EYA3: variants seen among roughly 807,000 people sequenced by gnomAD.
EYA3 encodes the protein EYA transcriptional coactivator and phosphatase 3.
EYA3 carries 39 observed loss-of-function variants against 80.0 expected under a neutral mutation model. That is an observed-to-expected ratio of 0.49 (90% CI 0.38 to 0.64). The LOEUF (loss-of-function observed/expected upper bound fraction) is 0.64, where lower values mean the gene tolerates loss of function less well. EYA3 is among the 30% of genes least tolerant of loss of function. The pLI, the probability that EYA3 is intolerant of heterozygous loss-of-function variation, is 0.00. For synonymous variants in EYA3, 206 were observed against 232.8 expected (o/e 0.88, Z 1.05); for missense variants, 523 against 676.1 (o/e 0.77, Z 2.51).
chr1:28,017,276 T>C (rs772670502), intron 7 of EYA3, 37 bp from the exon 8 acceptor site: 56 of 1,485,592 alleles, frequency 3.8e-5, no homozygotes, highest in Non-Finnish European at 5.2e-5. Context: ...ATTAAAGATA[T>C]TATGTAAAAG....
At chr1:28,061,760 C>T (rs1014701313) in intron 1 of EYA3, among the ~76,000 whole-genome samples, 4 of 152,178 alleles carry the variant, frequency 2.6e-5, no homozygotes, top group Admixed American at 1.3e-4. Flanking sequence ...CCACCACGCC[C>T]GGCTAATTTT....
At chr1:27,975,824 T>C (rs911335929) in intron 17 of EYA3, among the ~76,000 whole-genome samples, 7 of 151,970 alleles carry the variant, frequency 4.6e-5, no homozygotes, top group African/African-American at 1.7e-4. Flanking sequence ...TTATATTTTT[T>C]GAGACAGAGT....
At chr1:28,069,309 A>T (rs1644939067) in intron 1 of EYA3, among the ~76,000 whole-genome samples, 1 of 151,874 alleles carries the variant, frequency 6.6e-6, no homozygotes, top group Non-Finnish European at 1.5e-5. Flanking sequence ...CAGTCTCACC[A>T]TGTTGCCCAG....
intron 7 of EYA3, among the ~76,000 whole-genome samples, chr1:28,020,896 T>C (rs1183562031): frequency 1.3e-5 from 2 of 152,162 alleles, no homozygotes; most frequent in Non-Finnish European, 1.5e-5. Context: ...TGGACAGCCT[T>C]CACTCCTGTT....
intron 16 of EYA3, among the ~76,000 whole-genome samples, chr1:27,984,722 C>T (rs1181343194): frequency 1.3e-5 from 2 of 152,098 alleles, no homozygotes; most frequent in Non-Finnish European, 2.9e-5. Context: ...TCTAGTGGAT[C>T]GTTTCCATCT....
At chr1:28,038,340 G>A (rs1006058719) in intron 5 of EYA3, among the ~76,000 whole-genome samples, 3 of 151,066 alleles carry the variant, frequency 2.0e-5, no homozygotes, top group Non-Finnish European at 4.4e-5. Flanking sequence ...GGAGGCTGAG[G>A]CAGGAGAATC....
chr1:28,055,585 C>T (rs891307058), intron 2 of EYA3, among the ~76,000 whole-genome samples: 2 of 151,636 alleles, frequency 1.3e-5, no homozygotes, highest in African/African-American at 4.9e-5. Flanking sequence ...ATTCTCCTGC[C>T]TCAGCTTCCC....
In EYA3 at chr1:27,986,758, A is replaced by G. The variant is rs148553452; in HGVS notation, c.1540+1777T>C. On this transcript the variant is annotated intron_variant, in intron 16 of 17. Coordinates refer to ENST00000373871, the MANE Select transcript of EYA3 (RefSeq NM_001990.4). The stretch of plus-strand genomic sequence containing the variant: ...CACTCTGTCACCCAGGCTGGAGTGC[A>G]GTGGTGCAATCTCGGCTCACTGCAA... 5.5e-3 allele frequency among the ~76,000 whole-genome samples: 840 copies of G among 151,994 alleles called. 11 individuals are homozygous for G. The highest frequency in any genetic ancestry group is 7.6e-3 in the Non-Finnish European group (518 of 67,984).
intron 1 of EYA3, among the ~76,000 whole-genome samples, chr1:28,082,378 G>A (rs1645460471): frequency 6.6e-6 from 1 of 151,868 alleles, no homozygotes; most frequent in Non-Finnish European, 1.5e-5. Flanking sequence ...TTTTATTTGG[G>A]CTTAATAAAG....
chr1:27,982,139 C>T (rs1228156894), intron 16 of EYA3, among the ~76,000 whole-genome samples: 1 of 151,702 alleles, frequency 6.6e-6, no homozygotes, highest in Non-Finnish European at 1.5e-5. Flanking sequence ...CCTAAGTAGC[C>T]AGGACTACAG....
intron 17 of EYA3, among the ~76,000 whole-genome samples, chr1:27,976,390 G>A (rs527558438): frequency 6.6e-5 from 10 of 152,210 alleles, no homozygotes; most frequent in African/African-American, 1.4e-4. Flanking sequence ...AACCCAGGAG[G>A]CGGAGGCTGC....
At chr1:28,068,073 T>C (rs974834390) in intron 1 of EYA3, among the ~76,000 whole-genome samples, 7 of 152,084 alleles carry the variant, frequency 4.6e-5, no homozygotes, top group Non-Finnish European at 1.0e-4. Flanking sequence ...CATTCCTTTA[T>C]GCCTGTAATC....
intron 17 of EYA3, chr1:27,977,352 T>C: frequency 1.3e-6 from 2 of 1,550,552 alleles, no homozygotes; most frequent in Admixed American, 2.0e-5. Context: ...TGGTTCTAGC[T>C]GGCAACCCAA....
rs369688098 is a variant in EYA3, at chr1:28,027,899, T to G, written c.389A>C (p.Glu130Ala). ...AGATGGAGTCTGAATTAAACCACTTTCAGGTTTCATACCTGGCCACAATGC... is the reference window on the plus strand; with the variant it reads ...AGATGGAGTCTGAATTAAACCACTTGCAGGTTTCATACCTGGCCACAATGC... The part of the protein sequence containing the change: ...FGALWPGMKP[E>A]SGLIQTPSPS... The change falls in exon 7 of 18, where the codon GAA becomes GCA. Residue 130 changes from glutamate to alanine, a missense_variant. This residue lies in a region of EYA3 where 304 missense variants were observed against 343.3 expected (regional missense o/e 0.89). Transcript: ENST00000373871. The G allele has an allele frequency of 6.2e-7, 1 of 1,614,004 alleles. No homozygotes were observed. Among genetic ancestry groups the G allele is most frequent in the African/African-American group, 1.3e-5 (1 of 74,904 alleles).
chr1:27,976,122 C>T (rs1638917703), intron 17 of EYA3, among the ~76,000 whole-genome samples: 1 of 152,138 alleles, frequency 6.6e-6, no homozygotes, highest in South Asian at 2.1e-4. Flanking sequence ...ATTTAAAAGG[C>T]TATTAACATA....
intron 8 of EYA3, among the ~76,000 whole-genome samples, chr1:28,014,832 T>C (rs12568186): frequency 0.068 from 10,352 of 152,242 alleles, 621 homozygotes; most frequent in East Asian, 0.25. Flanking sequence ...CTGTGTAGTT[T>C]ACTGTATGTC....
At chr1:28,068,581 A>G (rs1423825748) in intron 1 of EYA3, among the ~76,000 whole-genome samples, 2 of 151,658 alleles carry the variant, frequency 1.3e-5, no homozygotes, top group African/African-American at 2.4e-5. Flanking sequence ...AGGAATAAAG[A>G]GCTTAGTTGA....
intron 1 of EYA3, among the ~76,000 whole-genome samples, chr1:28,063,971 A>AT (rs892478754): frequency 5.7e-4 from 83 of 146,184 alleles, no homozygotes; most frequent in Non-Finnish European, 5.0e-4. Flanking sequence ...ATTTTAGACA[A>AT]TTTTTTTTTT....
intron 1 of EYA3, among the ~76,000 whole-genome samples, chr1:28,077,852 C>T (rs1645278372): frequency 6.6e-6 from 1 of 152,146 alleles, no homozygotes; most frequent in Non-Finnish European, 1.5e-5. Flanking sequence ...AATTCTCTAA[C>T]ATTCTACATA....
Sources: allele counts gnomAD v4.1 joint callset (sites outside exome capture counted in the v4.1 genomes callset), GRCh38; gene constraint gnomAD v4.1.1; regional missense constraint gnomAD v4.1.1; transcripts MANE v1.5; gene names NCBI Gene and HGNC (gene_info 2026-07-23, HGNC 2026-07-21).